The following PIK3C2B variants were observed in gnomAD, a reference collection of about 807,000 sequenced individuals.
The protein encoded by PIK3C2B is phosphatidylinositol 4-phosphate 3-kinase C2 domain-containing subunit beta.
A neutral mutation model predicts 184.3 loss-of-function variants in PIK3C2B; 83 were observed. The observed-to-expected ratio is 0.45, with a 90% CI of 0.38 to 0.54. PIK3C2B has a LOEUF of 0.54. Among genes scored for constraint, PIK3C2B ranks in the 20% least tolerant of loss-of-function variants. The probability of loss-of-function intolerance (pLI) is 0.00; values close to 1 mark genes in which losing one functional copy is unlikely to be tolerated. For missense variants in PIK3C2B, 1,736 were observed against 2,113.5 expected (o/e 0.82, Z 3.50); for synonymous variants, 779 against 837.6 (o/e 0.93, Z 1.21).
chr1:204,443,327 GT>G (rs1558242392), intron 19 of PIK3C2B, 89 bp downstream of exon 19: 1 of 1,301,374 alleles, frequency 7.7e-7, no homozygotes. Context: ...AAATCGTCAC[GT>G]GGAATCTTGT....
intron 7 of PIK3C2B, 82 bp from the exon 8 acceptor site, chr1:204,460,023 C>A: frequency 9.5e-7 from 1 of 1,051,690 alleles, no homozygotes; most frequent in Non-Finnish European, 1.5e-6. Flanking sequence ...CTCCCTCCCT[C>A]TCCTCAGCTC....
chr1:204,451,092 C>A (rs1334015120), intron 12 of PIK3C2B, among the ~76,000 whole-genome samples: 1 of 152,262 alleles, frequency 6.6e-6, no homozygotes, highest in Non-Finnish European at 1.5e-5. Flanking sequence ...CCAGCTGCCT[C>A]TACCCTGGGG....
intron 15 of PIK3C2B, among the ~76,000 whole-genome samples, chr1:204,446,699 A>C (rs1653901228): frequency 6.6e-6 from 1 of 152,072 alleles, no homozygotes; most frequent in Admixed American, 6.5e-5. Flanking sequence ...GGGAGAAGGG[A>C]GCTGAGGGTC....
At chr1:204,442,910 G>A (rs1459635175) in intron 19 of PIK3C2B, among the ~76,000 whole-genome samples, 1 of 152,218 alleles carries the variant, frequency 6.6e-6, no homozygotes, top group African/African-American at 2.4e-5. Flanking sequence ...GTCTCTCAAG[G>A]GGGAAGAGCT....
At chr1:204,452,455 T>C (rs1438557140) in intron 12 of PIK3C2B, among the ~76,000 whole-genome samples, 1 of 150,020 alleles carries the variant, frequency 6.7e-6, no homozygotes, top group Non-Finnish European at 1.5e-5. Flanking sequence ...TTTTTTGTAT[T>C]TTTTGTAGAG....
intron 1 of PIK3C2B, among the ~76,000 whole-genome samples, chr1:204,491,725 A>G (rs549165696): frequency 2.0e-5 from 3 of 152,294 alleles, no homozygotes; most frequent in African/African-American, 7.2e-5. Flanking sequence ...CCAAGACCCA[A>G]TATCTCTCTG....
intron 1 of PIK3C2B, among the ~76,000 whole-genome samples, chr1:204,474,926 T>C (rs753203169): frequency 6.7e-6 from 1 of 149,310 alleles, no homozygotes; most frequent in Non-Finnish European, 1.5e-5. Flanking sequence ...CATCCTAGAG[T>C]CCCCCTTCCT....
At chr1:204,430,451 T>A (rs1188539424) in intron 28 of PIK3C2B, among the ~76,000 whole-genome samples, 2 of 151,918 alleles carry the variant, frequency 1.3e-5, no homozygotes, top group African/African-American at 4.8e-5. Context: ...GTTCAAGCGA[T>A]TCTCCTGCCT....
At chr1:204,438,862 T>C in intron 23 of PIK3C2B, 73 bp downstream of exon 23, 1 of 1,535,366 alleles carries the variant, frequency 6.5e-7, no homozygotes, top group Non-Finnish European at 8.9e-7. Context: ...AGTGCAGGTC[T>C]TGTGGTTAAA....
At chr1:204,473,989 C>CTT (rs71145092) in intron 1 of PIK3C2B, among the ~76,000 whole-genome samples, 84,829 of 115,028 alleles carry the variant, frequency 0.74, 34,993 homozygotes, top group Non-Finnish European at 0.89. Context: ...CTCCCCTTGA[C>CTT]TTTTTTTTTT....
At chr1:204,466,263 C>T (rs374080559) in intron 2 of PIK3C2B, among the ~76,000 whole-genome samples, 5 of 152,194 alleles carry the variant, frequency 3.3e-5, no homozygotes, top group Non-Finnish European at 5.9e-5. Context: ...GAGATAAGGC[C>T]GGCATGTGGT....
intron 1 of PIK3C2B, among the ~76,000 whole-genome samples, chr1:204,493,458 C>A (rs79345913): frequency 7.9e-6 from 1 of 125,828 alleles, no homozygotes; most frequent in African/African-American, 2.9e-5. Context: ...AGGGAAGCTA[C>A]GAAGACCCCA....
In PIK3C2B at chr1:204,444,325, A is replaced by G; in HGVS notation, c.2772+6T>C. 1 of 1,602,832 alleles carries G rather than the reference A, an allele frequency of 6.2e-7. No homozygotes were observed. The highest frequency in any genetic ancestry group is 8.5e-7 in the Non-Finnish European group (1 of 1,169,704). ...GCAAAACTGGAGGGAGGACCAATCCACCCACCTGTACCAGCTGGGGCAGGT... is the reference window on the plus strand; with the variant it reads ...GCAAAACTGGAGGGAGGACCAATCCGCCCACCTGTACCAGCTGGGGCAGGT... On this transcript the variant is annotated splice_donor_region_variant and intron_variant, in intron 17 of 32. Coordinates refer to ENST00000684373, the MANE Select transcript of PIK3C2B (RefSeq NM_001377334.1).
intron 19 of PIK3C2B, 119 bp from the exon 20 acceptor site, chr1:204,442,752 G>A: frequency 1.5e-6 from 1 of 655,370 alleles, no homozygotes; most frequent in East Asian, 2.8e-5. Context: ...CCTGAGAAGT[G>A]TGGACACCCT....
At chr1:204,460,440 C>T in intron 6 of PIK3C2B, 37 bp from the exon 7 acceptor site, 2 of 1,574,822 alleles carry the variant, frequency 1.3e-6, no homozygotes, top group Non-Finnish European at 1.7e-6. Context: ...AGGGGCGGTG[C>T]CCTTATCTCA....
At chr1:204,476,109 CCAGCGACCTTGAAACA>C (rs1357456323) in intron 1 of PIK3C2B, among the ~76,000 whole-genome samples, 1 of 152,170 alleles carries the variant, frequency 6.6e-6, no homozygotes, top group African/African-American at 2.4e-5. Context: ...GCAACCAGTC[CCAGCGACCTTGAAACA>C]CAGCGACCTG....
chr1:204,486,068 C>A (rs1194186391), intron 1 of PIK3C2B, among the ~76,000 whole-genome samples: 2 of 152,140 alleles, frequency 1.3e-5, no homozygotes, highest in Non-Finnish European at 2.9e-5. Context: ...GTATTTATAG[C>A]TACAAAGCAC....
At position 204,433,191 on chromosome 1, in the gene PIK3C2B, G is replaced by T. The variant is rs1558233351; in HGVS notation, c.3953+125C>A. 1.7e-6 allele frequency: 1 copy of T among 581,690 alleles called. No homozygotes were observed. 36.0% of individuals were successfully genotyped at this position (581,690 alleles called of 1,614,324 possible). A position where few individuals can be genotyped will look rare whatever the true frequency, so the allele number is the denominator to read the frequency against. On this transcript the variant is annotated intron_variant, in intron 26 of 32. Coordinates refer to ENST00000684373, the MANE Select transcript of PIK3C2B (RefSeq NM_001377334.1). This position sits in a 1 kb window ranked among gnomAD's most constrained non-coding sequence, Gnocchi z 5.0. ...AAAGTTGGGACAATGTATCCACGTG[G>T]TCAGCTCTAGGCTCTAGCATCTGAG...
intron 29 of PIK3C2B, 44 bp from the exon 30 acceptor site, chr1:204,428,264 G>A: frequency 8.3e-7 from 1 of 1,199,948 alleles, no homozygotes; most frequent in Non-Finnish European, 1.2e-6. Context: ...ATAAGACAAT[G>A]GCCCAATACA....
Sources: gnomAD v4.1 joint callset for allele counts (sites outside exome capture counted in the v4.1 genomes callset) on GRCh38, gnomAD v4.1.1 for gene constraint, Gnocchi (gnomAD v3.1) non-coding constraint, MANE v1.5 for transcripts, NCBI Gene and HGNC (gene_info 2026-07-23, HGNC 2026-07-21) for gene names.